Variants in SLC6A11 observed in about 807,000 individuals in gnomAD.
SLC6A11 encodes sodium- and chloride-dependent GABA transporter 3.
A neutral mutation model predicts 74.8 loss-of-function variants in SLC6A11; 25 were observed. That is an observed-to-expected ratio of 0.33 (90% CI 0.24 to 0.47). The LOEUF is 0.47. Among genes scored for constraint, SLC6A11 ranks in the 20% least tolerant of loss-of-function variants. The pLI, the probability that SLC6A11 is intolerant of heterozygous loss-of-function variation, is 1.00. For missense variants in SLC6A11, 574 were observed against 837.0 expected, an observed-to-expected ratio of 0.69 and a Z score of 3.88; for synonymous variants, 330 against 330.2, an observed-to-expected ratio of 1.00 and a Z score of 0.01.
intron 4 of SLC6A11, among the ~76,000 whole-genome samples, chr3:10,833,077 T>C (rs1322109997): frequency 6.6e-6 from 1 of 152,200 alleles, no homozygotes; most frequent in Non-Finnish European, 1.5e-5. Flanking sequence ...TTTTTTCTTT[T>C]TGAGACAGAG....
intron 6 of SLC6A11, among the ~76,000 whole-genome samples, chr3:10,904,577 T>A (rs922164331): frequency 1.3e-5 from 2 of 152,266 alleles, no homozygotes; most frequent in East Asian, 3.9e-4. Context: ...CCCTTCAAAT[T>A]GTGTCGAGAA....
intron 10 of SLC6A11, 116 bp from the exon 11 acceptor site, chr3:10,933,034 TC>T: frequency 1.4e-6 from 1 of 726,580 alleles, no homozygotes; most frequent in Admixed American, 2.1e-5. Flanking sequence ...AGAAACAGAT[TC>T]CTGGCAGTGG....
chr3:10,912,328 A>G lies in SLC6A11; in HGVS notation c.995+135A>G, dbSNP rs1695398177. The G allele has an allele frequency of 4.6e-6, 3 of 659,230 alleles. No individual in the cohort carries two copies. In the Admixed American group the frequency reaches 7.4e-5, roughly 16 times the overall value. 40.8% of individuals were successfully genotyped at this position (659,230 alleles called of 1,614,324 possible). On this transcript the variant is annotated intron_variant, in intron 7 of 13. Coordinates refer to ENST00000254488, the MANE Select transcript of SLC6A11 (RefSeq NM_014229.3). ...TAGATAGGCTGTTTGTTGGCCTCCC[A>G]CTACCGAAGGGTCAAAGAGTGGGCC...
intron 6 of SLC6A11, among the ~76,000 whole-genome samples, chr3:10,877,760 A>C (rs1694927146): frequency 6.6e-6 from 1 of 152,190 alleles, no homozygotes; most frequent in African/African-American, 2.4e-5. Context: ...AAGAGCCAAC[A>C]CTACAAATGG....
chr3:10,929,275 G>A lies in SLC6A11; in HGVS notation c.1307G>A (p.Arg436Gln), dbSNP rs202136147. 157 of 1,614,102 alleles carry A rather than the reference G, an allele frequency of 9.7e-5. 2 individuals are homozygous for A. In the Middle Eastern group the frequency reaches 3.0e-3, roughly 31 times the overall value. Reference protein sequence around the residue: ...YPKVFRRGYRRELLILALSVI... With the variant: ...YPKVFRRGYRQELLILALSVI... ...AAGGTTTTCCGGAGGGGTTACCGGC[G>A]GGAGCTGCTCATCCTAGCCTTGTCT... Residue 436 changes from arginine (R) to glutamine (Q), a missense_variant, in exon 10 of 14, where the codon CGG (arginine) becomes CAG (glutamine). Arg to Gln is a conservative substitution (Grantham distance 43). Around this residue, in one of 4 missense-constraint regions of SLC6A11, gnomAD observed 257 missense variants for 341.5 expected, o/e 0.75. Transcript: ENST00000254488.
chr3:10,880,569 G>T (rs895436203), intron 6 of SLC6A11, among the ~76,000 whole-genome samples: 10 of 152,204 alleles, frequency 6.6e-5, no homozygotes, highest in Non-Finnish European at 1.3e-4. Context: ...AGAGAAGCCT[G>T]CGGGGAGTCA....
chr3:10,816,581 C>G lies in SLC6A11; in HGVS notation c.256+60C>G. 1 of 1,464,186 alleles carries G rather than the reference C, an allele frequency of 6.8e-7. No individual in the cohort carries two copies. Among genetic ancestry groups the G allele is most frequent in the Non-Finnish European group, 9.1e-7 (1 of 1,099,468 alleles). The allele number at this position is 1,464,186 out of a possible 1,614,324, so 90.7% of individuals were successfully genotyped here. A position where few individuals can be genotyped will look rare whatever the true frequency, so the allele number is the denominator to read the frequency against. ...CAACCGCCCGGTGGGGGCGGGGAGCCAGGGGCGAGCGCGAGACCCCCTCCC... is the reference window on the plus strand; with the variant it reads ...CAACCGCCCGGTGGGGGCGGGGAGCGAGGGGCGAGCGCGAGACCCCCTCCC... On this transcript the variant is annotated intron_variant, in intron 1 of 13. Coordinates refer to ENST00000254488, the MANE Select transcript of SLC6A11 (RefSeq NM_014229.3). The surrounding 1 kb of genome is among the most constrained non-coding windows in gnomAD (Gnocchi z 4.2).
intron 6 of SLC6A11, among the ~76,000 whole-genome samples, chr3:10,879,074 G>GT (rs1268395817): frequency 1.3e-5 from 2 of 152,176 alleles, no homozygotes; most frequent in African/African-American, 4.8e-5. Context: ...CTGGTACACA[G>GT]TAGGTGTTCC....
chr3:10,923,223 C>T (rs1695558987), intron 8 of SLC6A11, among the ~76,000 whole-genome samples: 1 of 149,468 alleles, frequency 6.7e-6, no homozygotes, highest in Non-Finnish European at 1.5e-5. Context: ...GGGCTCAGAT[C>T]TTGGTTTCTA....
rs529142565 is a variant in SLC6A11 at position 10,926,691 on chromosome 3, C to T, written c.1233+575C>T. On this transcript the variant is annotated intron_variant, in intron 9 of 13. Coordinates refer to ENST00000254488, the MANE Select transcript of SLC6A11 (RefSeq NM_014229.3). The surrounding 1 kb of genome is among the most constrained non-coding windows in gnomAD (Gnocchi z 5.7). ...CCTGCTTGGCAGCCTCCTTCCCTGGCGAAGGGGGTAGACCTGGAGCTAGTA... is the reference window on the plus strand; with the variant it reads ...CCTGCTTGGCAGCCTCCTTCCCTGGTGAAGGGGGTAGACCTGGAGCTAGTA... Among the ~76,000 whole-genome samples, 10 of 152,286 alleles carry T rather than the reference C, an allele frequency of 6.6e-5. No homozygotes were observed. The South Asian group carries it at 1.7e-3, about 25-fold the overall frequency.
At chr3:10,922,585 G>A (rs1695551171) in intron 8 of SLC6A11, among the ~76,000 whole-genome samples, 1 of 152,174 alleles carries the variant, frequency 6.6e-6, no homozygotes, top group Admixed American at 6.5e-5. Flanking sequence ...CGGAAAAGGG[G>A]TGGAAAGAAG....
At chr3:10,934,798 G>C (rs1486523439) in intron 12 of SLC6A11, among the ~76,000 whole-genome samples, 1 of 152,218 alleles carries the variant, frequency 6.6e-6, no homozygotes, top group Non-Finnish European at 1.5e-5. Flanking sequence ...CGAGGTCCCA[G>C]AACCCAGGGC....
Position 10,819,521 on chromosome 3 carries a change from T to A in SLC6A11, c.313T>A (p.Phe105Ile). The change falls in exon 2 of 14, where the codon TTC becomes ATC. Residue 105 changes from phenylalanine to isoleucine, a missense_variant. Phe to Ile is a conservative substitution (Grantham distance 21). This residue lies in a region of SLC6A11 where 215 missense variants were observed against 357.9 expected (regional missense o/e 0.60). Transcript: ENST00000254488. ...FFICCGIPVF[F>I]LETALGQFTS... ...TATTTGCTGTGGAATTCCTGTTTTTTTCCTGGAGACAGCTCTGGGGCAGTT... is the reference window on the plus strand; with the variant it reads ...TATTTGCTGTGGAATTCCTGTTTTTATCCTGGAGACAGCTCTGGGGCAGTT... 6.2e-7 allele frequency: 1 copy of A among 1,614,162 alleles called. No individual in the cohort carries two copies. The highest frequency in any genetic ancestry group is 8.5e-7 in the Non-Finnish European group (1 of 1,180,028).
At chr3:10,899,713 A>C (rs1358363347) in intron 6 of SLC6A11, among the ~76,000 whole-genome samples, 5 of 152,238 alleles carry the variant, frequency 3.3e-5, no homozygotes, top group Non-Finnish European at 2.9e-5. Context: ...CCAGAAATCC[A>C]CTAAAAACAC....
At chr3:10,831,518 A>G (rs1480992207) in intron 4 of SLC6A11, among the ~76,000 whole-genome samples, 1 of 152,218 alleles carries the variant, frequency 6.6e-6, no homozygotes, top group Non-Finnish European at 1.5e-5. Context: ...TATGTAATAT[A>G]TGTGTTGTAT....
intron 5 of SLC6A11, among the ~76,000 whole-genome samples, chr3:10,844,731 C>A (rs1254359663): frequency 6.6e-6 from 1 of 152,172 alleles, no homozygotes; most frequent in Non-Finnish European, 1.5e-5. Context: ...ATGCTGGCTG[C>A]CTCCACTGAC....
chr3:10,925,851 C>T (rs531379252), intron 8 of SLC6A11, among the ~76,000 whole-genome samples, 153 bp from the exon 9 acceptor site: 2 of 152,252 alleles, frequency 1.3e-5, no homozygotes, highest in South Asian at 2.1e-4. Context: ...TAGCACCAAA[C>T]GCATGGGGTG....
intron 5 of SLC6A11, among the ~76,000 whole-genome samples, chr3:10,873,533 T>C (rs990078483): frequency 7.8e-6 from 1 of 128,040 alleles, no homozygotes; most frequent in Non-Finnish European, 1.7e-5. Context: ...TCCTATCCTG[T>C]CCTATCCTAT....
intron 5 of SLC6A11, among the ~76,000 whole-genome samples, chr3:10,847,439 G>T (rs1044873092): frequency 1.3e-5 from 2 of 152,194 alleles, no homozygotes; most frequent in Admixed American, 1.3e-4. Flanking sequence ...TGAAGACTGG[G>T]TTTCTCCTCC....
Sources: allele counts gnomAD v4.1 joint callset (sites outside exome capture counted in the v4.1 genomes callset), GRCh38; gene constraint gnomAD v4.1.1; regional missense constraint gnomAD v4.1.1; non-coding constraint Gnocchi (gnomAD v3.1); transcripts MANE v1.5; gene names NCBI Gene and HGNC (gene_info 2026-07-23, HGNC 2026-07-21).